The following KIF16B variants were observed in gnomAD, a reference collection of about 807,000 sequenced individuals.
KIF16B encodes the protein kinesin family member 16B.
KIF16B carries 98 observed loss-of-function variants against 156.3 expected under a neutral mutation model. That is an observed-to-expected ratio of 0.63 (90% confidence interval 0.53 to 0.74). KIF16B has a LOEUF of 0.74. Among genes scored for constraint, KIF16B ranks in the 30% least tolerant of loss-of-function variants. The probability of loss-of-function intolerance (pLI) is 0.00; values close to 1 mark genes in which losing one functional copy is unlikely to be tolerated. For synonymous variants in KIF16B, 564 were observed against 583.7 expected, an observed-to-expected ratio of 0.97 and a Z score of 0.49; for missense variants, 1,421 against 1,606.5, an observed-to-expected ratio of 0.88 and a Z score of 1.97.
intron 23 of KIF16B, among the ~76,000 whole-genome samples, chr20:16,351,100 G>GA (rs922294843): frequency 9.9e-5 from 15 of 152,106 alleles, no homozygotes; most frequent in African/African-American, 3.6e-4. Flanking sequence ...TGACCACTCA[G>GA]AAAAAAGATG....
intron 12 of KIF16B, among the ~76,000 whole-genome samples, chr20:16,477,769 T>C (rs1426352573): frequency 6.6e-6 from 1 of 152,138 alleles, no homozygotes; most frequent in African/African-American, 2.4e-5. Context: ...TTATGGTTAT[T>C]ACTCTCTTAC....
intron 10 of KIF16B, among the ~76,000 whole-genome samples, chr20:16,500,590 T>C (rs1308236667): frequency 6.6e-6 from 1 of 152,172 alleles, no homozygotes; most frequent in Non-Finnish European, 1.5e-5. Flanking sequence ...TTTTTTTCAA[T>C]TACGAAAGTT....
chr20:16,466,596 T>C (rs924841709), intron 12 of KIF16B, among the ~76,000 whole-genome samples: 1 of 152,188 alleles, frequency 6.6e-6, no homozygotes, highest in Admixed American at 6.5e-5. Context: ...GTGACTTTGC[T>C]CCTCCTTTGC....
At chr20:16,371,584 A>G in intron 21 of KIF16B, 81 bp downstream of exon 21, 2 of 712,964 alleles carry the variant, frequency 2.8e-6, no homozygotes, top group Non-Finnish European at 2.2e-6. Flanking sequence ...AACAAGACTC[A>G]GTCTCAAAAA....
At chr20:16,540,732 T>C (rs1444342494) in intron 1 of KIF16B, among the ~76,000 whole-genome samples, 1 of 150,458 alleles carries the variant, frequency 6.6e-6, no homozygotes, top group Non-Finnish European at 1.5e-5. Context: ...ATGAATTAGT[T>C]TCTCTGTTCC....
At chr20:16,423,565 A>G (rs2146392840) in intron 15 of KIF16B, among the ~76,000 whole-genome samples, 1 of 152,270 alleles carries the variant, frequency 6.6e-6, no homozygotes, top group East Asian at 1.9e-4. Context: ...GAAAACCAGT[A>G]CAAGCCTCTT....
Position 16,452,943 on chromosome 20 carries a change from C to T in KIF16B, c.1303-22961G>A, listed in dbSNP as rs187828371. Among the ~76,000 whole-genome samples the T allele has an allele frequency of 2.3e-3, 357 of 151,934 alleles. 2 individuals carry two copies. Among genetic ancestry groups the T allele is most frequent in the African/African-American group, 7.9e-3 (329 of 41,432 alleles). On this transcript the variant is annotated intron_variant, in intron 12 of 25. Transcript: ENST00000354981. Reference sequence around the variant, plus strand: ...GAATTTCAAAACAGTAAGTAAAGATCAATCTGTAAATACACATGTGTGGCA... The same window carrying T: ...GAATTTCAAAACAGTAAGTAAAGATTAATCTGTAAATACACATGTGTGGCA...
chr20:16,423,907 G>C (rs142131867), intron 15 of KIF16B, among the ~76,000 whole-genome samples: 21 of 152,114 alleles, frequency 1.4e-4, no homozygotes, highest in Admixed American at 3.3e-4. Context: ...GTCAGCACTA[G>C]AGCCTGTGAG....
At chr20:16,486,367 T>C (rs2068115328) in intron 12 of KIF16B, among the ~76,000 whole-genome samples, 1 of 152,164 alleles carries the variant, frequency 6.6e-6, no homozygotes, top group Admixed American at 6.5e-5. Flanking sequence ...CTCATAGTAA[T>C]GCTAGGAATT....
At chr20:16,403,599 G>C (rs1425458669) in intron 17 of KIF16B, among the ~76,000 whole-genome samples, 1 of 152,204 alleles carries the variant, frequency 6.6e-6, no homozygotes, top group East Asian at 1.9e-4. Context: ...AAGCGGGGGT[G>C]GGGGCGCCCA....
In KIF16B at chr20:16,522,910, A is replaced by G. The variant is rs1276945521; in HGVS notation, c.231+3182T>C. Reference sequence around the variant, plus strand: ...ACATGGAAACTGAACAATCCATCACATAAACAGAACGAATGACAAAAACCA... The same window carrying G: ...ACATGGAAACTGAACAATCCATCACGTAAACAGAACGAATGACAAAAACCA... On this transcript the variant is annotated intron_variant, in intron 3 of 25. Coordinates refer to ENST00000354981, the MANE Select transcript of KIF16B (RefSeq NM_024704.5). Among the ~76,000 whole-genome samples the G allele has an allele frequency of 5.3e-5, 8 of 152,282 alleles. No individual in the cohort carries two copies. The East Asian group carries it at 1.5e-3, about 29-fold the overall frequency.
At chr20:16,415,370 T>C (rs1361108967) in intron 15 of KIF16B, among the ~76,000 whole-genome samples, 1 of 152,152 alleles carries the variant, frequency 6.6e-6, no homozygotes, top group Non-Finnish European at 1.5e-5. Context: ...TATCCTATTG[T>C]TCCTTCCGAA....
In KIF16B at chr20:16,515,649, C is replaced by T. The variant is rs377631501; in HGVS notation, c.247G>A (p.Gly83Ser). The part of the protein sequence containing the change: ...VSQEMVFKTL[G>S]TDVVKSAFEG... ...AATGCAGACTTCACGACATCTGTGC[C>T]GAGGGTTTTGAAAACCTGAAAGCCA... The change falls in exon 4 of 26, where the codon GGC becomes AGC. Residue 83 changes from glycine (G) to serine (S), a missense_variant. Transcript: ENST00000354981. 8.6e-5 allele frequency: 139 copies of T among 1,610,246 alleles called. No homozygotes were observed. The highest frequency in any genetic ancestry group is 3.8e-4 in the South Asian group (34 of 90,616).
chr20:16,454,079 T>A (rs963940239), intron 12 of KIF16B, among the ~76,000 whole-genome samples: 1 of 152,134 alleles, frequency 6.6e-6, no homozygotes, highest in Non-Finnish European at 1.5e-5. Context: ...CTACAATGTA[T>A]CTACATAATA....
At chr20:16,289,546 A>T (rs1337029580) in intron 25 of KIF16B, among the ~76,000 whole-genome samples, 1 of 152,156 alleles carries the variant, frequency 6.6e-6, no homozygotes, top group African/African-American at 2.4e-5. Flanking sequence ...ATACTGGCAG[A>T]CCCTTTATTT....
intron 12 of KIF16B, among the ~76,000 whole-genome samples, chr20:16,434,665 G>A (rs1276050429): frequency 2.0e-5 from 3 of 152,168 alleles, no homozygotes; most frequent in Admixed American, 2.0e-4. Flanking sequence ...AGCTGCACCA[G>A]GCACACAGTA....
intron 1 of KIF16B, among the ~76,000 whole-genome samples, chr20:16,572,795 T>A (rs563291457): frequency 6.6e-6 from 1 of 152,296 alleles, no homozygotes; most frequent in Admixed American, 6.5e-5. Flanking sequence ...ATCAAAATCA[T>A]CTCTAACTGA....
chr20:16,382,504 G>GGTTA (rs1419810721), intron 17 of KIF16B, among the ~76,000 whole-genome samples: 1 of 152,192 alleles, frequency 6.6e-6, no homozygotes, highest in East Asian at 1.9e-4. Flanking sequence ...TGGTTATACA[G>GGTTA]TATAGGAGTT....
At chr20:16,479,249 G>GAGGAAA (rs2067909101) in intron 12 of KIF16B, among the ~76,000 whole-genome samples, 3 of 152,144 alleles carry the variant, frequency 2.0e-5, no homozygotes, top group Non-Finnish European at 4.4e-5. Context: ...ACAAACTAAT[G>GAGGAAA]CAGGAACAGA....
Sources: gnomAD v4.1 joint callset for allele counts (sites outside exome capture counted in the v4.1 genomes callset) on GRCh38, gnomAD v4.1.1 for gene constraint, MANE v1.5 for transcripts, NCBI Gene and HGNC (gene_info 2026-07-23, HGNC 2026-07-21) for gene names.